GFPT1: variants seen among roughly 807,000 people sequenced by gnomAD.
GFPT1 encodes the protein glutamine--fructose-6-phosphate aminotransferase [isomerizing] 1.
GFPT1 carries 40 observed loss-of-function variants against 92.0 expected under a neutral mutation model. The observed-to-expected ratio is 0.43, with a 90% confidence interval of 0.34 to 0.57. GFPT1 has a LOEUF of 0.57. Among genes scored for constraint, GFPT1 ranks in the 20% least tolerant of loss-of-function variants. The pLI is 0.02. For synonymous variants in GFPT1, 269 were observed against 280.6 expected (o/e 0.96, Z 0.41); for missense variants, 448 against 869.1 (o/e 0.52, Z 6.09).
chr2:69,329,739 C>A lies in GFPT1; in HGVS notation c.1542G>T (p.Arg514=), dbSNP rs767370476. Residue 514 remains arginine (R), a synonymous_variant, in exon 16 of 20, where the codon CGG becomes CGT. Coordinates refer to ENST00000357308, the MANE Select transcript of GFPT1 (RefSeq NM_001244710.2). The part of the protein sequence containing the change: ...VMFALMMCDD[R]ISMQERRKEI... ...CTTTGCGTCTTTCTTGCATGGAGAT[C>A]CGATCATCACACATCATAAGGGCAA... 6.2e-7 allele frequency: 1 copy of A among 1,613,600 alleles called. No homozygotes were observed. The highest frequency in any genetic ancestry group is 8.5e-7 in the Non-Finnish European group (1 of 1,179,554).
In GFPT1 at chr2:69,345,909, T is replaced by C. The variant is rs139562843; in HGVS notation, c.1100A>G (p.Tyr367Cys). The C allele has an allele frequency of 5.5e-6, 8 of 1,458,954 alleles. No individual in the cohort carries two copies. Among genetic ancestry groups the C allele is most frequent in the African/African-American group, 2.8e-5 (2 of 71,686 alleles). The allele number at this position is 1,458,954 out of a possible 1,614,324, so 90.4% of individuals were successfully genotyped here. A position where few individuals can be genotyped will look rare whatever the true frequency, so the allele number is the denominator to read the frequency against. The change falls in exon 12 of 20, where the codon TAT (tyrosine) becomes TGT (cysteine). Residue 367 changes from tyrosine (Y) to cysteine (C), a missense_variant. By Grantham distance (194) the Tyr-to-Cys change is radical. Around this residue, in one of 7 missense-constraint regions of GFPT1, gnomAD observed 121 missense variants for 304.3 expected, o/e 0.40. Transcript: ENST00000357308. ...AATAATTCATATGTAATTACCAGTA[T>C]AGTCATCAAAGTTGACTCTTCCTCT... The part of the protein sequence containing the change: ...TMRGRVNFDD[Y>C]TVNLGGLKDH...
chr2:69,329,227 G>A, intron 17 of GFPT1, 70 bp downstream of exon 17: 1 of 1,428,538 alleles, frequency 7.0e-7, no homozygotes, highest in Non-Finnish European at 9.9e-7. Flanking sequence ...TTCATTTAAT[G>A]TAAAAGTATG....
At chr2:69,381,085 T>C (rs1010917613) in intron 1 of GFPT1, among the ~76,000 whole-genome samples, 3 of 152,122 alleles carry the variant, frequency 2.0e-5, no homozygotes, top group Non-Finnish European at 2.9e-5. Context: ...GTTCAAGCGA[T>C]TCTCCCGCCT....
intron 1 of GFPT1, among the ~76,000 whole-genome samples, chr2:69,377,859 C>T (rs1428440313): frequency 1.3e-5 from 2 of 152,218 alleles, no homozygotes; most frequent in South Asian, 2.1e-4. Context: ...TTGGGGTGCC[C>T]GAGACAATAC....
chr2:69,349,769 G>A (rs2104638434), intron 10 of GFPT1, among the ~76,000 whole-genome samples: 1 of 152,150 alleles, frequency 6.6e-6, no homozygotes, highest in East Asian at 1.9e-4. Context: ...CTTCAATCTA[G>A]AATCTCCTCC....
At chr2:69,339,097 T>A (rs752254752) in intron 13 of GFPT1, among the ~76,000 whole-genome samples, 58 of 152,160 alleles carry the variant, frequency 3.8e-4, no homozygotes, top group Non-Finnish European at 6.6e-4. Flanking sequence ...TACATTCTTA[T>A]AAGGAAACAT....
chr2:69,334,939 G>A (rs1447424338), intron 15 of GFPT1, among the ~76,000 whole-genome samples: 1 of 152,078 alleles, frequency 6.6e-6, no homozygotes, highest in Non-Finnish European at 1.5e-5. Context: ...TACTAAAACT[G>A]TACACTTAAA....
At chr2:69,367,118 C>G (rs1377841311) in intron 3 of GFPT1, among the ~76,000 whole-genome samples, 1 of 152,168 alleles carries the variant, frequency 6.6e-6, no homozygotes, top group East Asian at 1.9e-4. Flanking sequence ...CCATCCCATT[C>G]ACTTACTCCT....
chr2:69,344,186 CAAAAA>C (rs10602884), intron 12 of GFPT1, among the ~76,000 whole-genome samples: 5 of 64,520 alleles, frequency 7.7e-5, no homozygotes, highest in African/African-American at 3.3e-4. Flanking sequence ...AAAAGCAAAG[CAAAAA>C]AAAAAAAAAA....
intron 12 of GFPT1, among the ~76,000 whole-genome samples, chr2:69,343,130 T>C (rs1670991052): frequency 6.6e-6 from 1 of 152,242 alleles, no homozygotes; most frequent in Non-Finnish European, 1.5e-5. Flanking sequence ...CTATAGCTAT[T>C]TACATGTTGT....
intron 19 of GFPT1, 114 bp downstream of exon 19, chr2:69,326,800 G>T: frequency 3.0e-6 from 3 of 995,146 alleles, no homozygotes; most frequent in Non-Finnish European, 4.8e-6. Flanking sequence ...ACAGGTGACA[G>T]ATATATATTT....
intron 1 of GFPT1, among the ~76,000 whole-genome samples, chr2:69,380,986 C>CTT (rs1181182952): frequency 3.9e-4 from 57 of 145,246 alleles, no homozygotes; most frequent in Middle Eastern, 3.5e-3. Context: ...GAATTAAAGT[C>CTT]TTTTTTTTTT....
chr2:69,343,600 G>C (rs548261855), intron 12 of GFPT1, among the ~76,000 whole-genome samples: 1 of 151,956 alleles, frequency 6.6e-6, no homozygotes, highest in Non-Finnish European at 1.5e-5. Flanking sequence ...TTTTAGTAGA[G>C]AGGGTTTCAC....
intron 1 of GFPT1, among the ~76,000 whole-genome samples, chr2:69,384,190 A>T (rs1300227706): frequency 1.3e-5 from 2 of 152,172 alleles, no homozygotes; most frequent in East Asian, 3.8e-4. Context: ...GATTCCAAGA[A>T]ATCCTCCAAT....
chr2:69,377,498 T>TA (rs1176746202), intron 1 of GFPT1, among the ~76,000 whole-genome samples: 101 of 142,042 alleles, frequency 7.1e-4, no homozygotes, highest in East Asian at 1.3e-3. Flanking sequence ...AAAATAAAAA[T>TA]AAAAAAAAAA....
chr2:69,371,494 T>G (rs973092260), intron 2 of GFPT1: 1 of 151,974 alleles, frequency 6.6e-6, no homozygotes, highest in East Asian at 1.9e-4. Flanking sequence ...GAAATACATC[T>G]GGATTAGAAG....
intron 3 of GFPT1, among the ~76,000 whole-genome samples, chr2:69,366,342 T>G (rs1671610715): frequency 6.6e-6 from 1 of 152,172 alleles, no homozygotes; most frequent in African/African-American, 2.4e-5. Flanking sequence ...ATATTTCCTG[T>G]CATATAAATT....
At chr2:69,333,883 C>CGCG (rs1670730781) in intron 15 of GFPT1, among the ~76,000 whole-genome samples, 1 of 152,168 alleles carries the variant, frequency 6.6e-6, no homozygotes, top group South Asian at 2.1e-4. Context: ...TTTGGCTGGG[C>CGCG]GCGGTGGCTT....
In GFPT1 at chr2:69,329,701, C is replaced by T; in HGVS notation, c.1580G>A (p.Gly527Glu). ...CTTTGTACCAGGCAGCCGTTTCAATCCAAGCATGATCTCTTTGCGTCTTTC... is the reference window on the plus strand; with the variant it reads ...CTTTGTACCAGGCAGCCGTTTCAATTCAAGCATGATCTCTTTGCGTCTTTC... The part of the protein sequence containing the change: ...MQERRKEIML[G>E]LKRLPDLIKE... Residue 527 changes from glycine to glutamate, a missense_variant, in exon 16 of 20, where the codon GGA becomes GAA. Gly to Glu is a moderately conservative substitution (Grantham distance 98, BLOSUM62 -2). This residue lies in a region of GFPT1 where 73 missense variants were observed against 103.5 expected (regional missense o/e 0.71). Coordinates refer to ENST00000357308, the MANE Select transcript of GFPT1 (RefSeq NM_001244710.2). The T allele has an allele frequency of 6.2e-7, 1 of 1,610,516 alleles. No homozygotes were observed. Among genetic ancestry groups the T allele is most frequent in the Non-Finnish European group, 8.5e-7 (1 of 1,176,718 alleles).
Sources: gnomAD v4.1 joint callset for allele counts (sites outside exome capture counted in the v4.1 genomes callset) on GRCh38, gnomAD v4.1.1 for gene constraint, gnomAD v4.1.1 regional missense constraint, MANE v1.5 for transcripts, NCBI Gene and HGNC (gene_info 2026-07-23, HGNC 2026-07-21) for gene names.